UTRN: variants seen among roughly 807,000 people sequenced by gnomAD.
UTRN encodes the protein dystrophin-related protein 1.
Under a neutral mutation model 463.9 loss-of-function variants are expected in UTRN, and 283 were observed. That is an observed-to-expected ratio of 0.61 (90% CI 0.55 to 0.67). The LOEUF is 0.67. Ranked by LOEUF, UTRN falls within the 30% of genes least tolerant of loss-of-function variation. The pLI is 0.00. For missense variants in UTRN, 3,922 were observed against 4,084.3 expected, an observed-to-expected ratio of 0.96 and a Z score of 1.08; for synonymous variants, 1,442 against 1,431.5, an observed-to-expected ratio of 1.01 and a Z score of -0.17.
At chr6:144,381,172 C>T (rs887015481) in intron 2 of UTRN, among the ~76,000 whole-genome samples, 3 of 152,110 alleles carry the variant, frequency 2.0e-5, no homozygotes, top group African/African-American at 7.2e-5. Flanking sequence ...TTCCCTCCCC[C>T]CAACCTCCAC....
intron 17 of UTRN, 66 bp downstream of exon 17, chr6:144,448,835 T>C: frequency 6.6e-7 from 1 of 1,517,590 alleles, no homozygotes; most frequent in Non-Finnish European, 8.9e-7. Context: ...ACTTGGTGCC[T>C]ATTTTGTACT....
At chr6:144,615,529 T>C (rs1311508130) in intron 51 of UTRN, among the ~76,000 whole-genome samples, 2 of 152,172 alleles carry the variant, frequency 1.3e-5, no homozygotes, top group Non-Finnish European at 2.9e-5. Flanking sequence ...TTCAGTTAGT[T>C]TCTGAATCCT....
intron 47 of UTRN, among the ~76,000 whole-genome samples, chr6:144,550,728 AAC>A (rs1212957184): frequency 2.0e-5 from 3 of 152,184 alleles, no homozygotes; most frequent in Admixed American, 6.5e-5. Context: ...TGAAAACAAA[AAC>A]ACAGAGAGGT....
intron 50 of UTRN, among the ~76,000 whole-genome samples, chr6:144,563,111 C>T (rs1373823142): frequency 6.6e-6 from 1 of 152,078 alleles, no homozygotes; most frequent in Non-Finnish European, 1.5e-5. Flanking sequence ...TTATCTTTCT[C>T]ATTAATATTT....
intron 2 of UTRN, among the ~76,000 whole-genome samples, chr6:144,327,697 G>A (rs150179651): frequency 4.6e-5 from 7 of 152,152 alleles, no homozygotes; most frequent in Middle Eastern, 3.4e-3. Flanking sequence ...TAATCCCAGC[G>A]CTTTGGGAGG....
At chr6:144,366,701 A>G (rs1779536566) in intron 2 of UTRN, among the ~76,000 whole-genome samples, 1 of 152,196 alleles carries the variant, frequency 6.6e-6, no homozygotes, top group Non-Finnish European at 1.5e-5. Context: ...ATAGTGCTGT[A>G]GTGAACATAC....
rs542952536 is a variant in UTRN at position 144,537,367 on chromosome 6, G to T, written c.6234-215G>T. On this transcript the variant is annotated intron_variant, in intron 43 of 74. Transcript: ENST00000367545. Reference sequence around the variant, plus strand: ...AATATTCTTTAGTTTCAATGTTTTTGAATTTAACTAAGGAAAAAAGCTTCT... The same window carrying T: ...AATATTCTTTAGTTTCAATGTTTTTTAATTTAACTAAGGAAAAAAGCTTCT... Among the ~76,000 whole-genome samples, 9 of 151,784 alleles carry T rather than the reference G, an allele frequency of 5.9e-5. No individual in the cohort carries two copies. In the East Asian group the frequency reaches 1.2e-3, roughly 20 times the overall value.
At chr6:144,474,880 C>A in intron 25 of UTRN, 121 bp downstream of exon 25, 4 of 1,162,472 alleles carry the variant, frequency 3.4e-6, no homozygotes, top group South Asian at 1.7e-5. Flanking sequence ...ATAACTCCAG[C>A]ATGGGTAGTG....
intron 51 of UTRN, among the ~76,000 whole-genome samples, chr6:144,614,763 A>G (rs1258044590): frequency 6.6e-6 from 1 of 152,156 alleles, no homozygotes; most frequent in Admixed American, 6.6e-5. Flanking sequence ...GTGGATGAAT[A>G]AATTCTTTCT....
intron 23 of UTRN, among the ~76,000 whole-genome samples, chr6:144,463,866 G>T (rs1789662936): frequency 6.6e-6 from 1 of 150,746 alleles, no homozygotes; most frequent in Non-Finnish European, 1.5e-5. Flanking sequence ...AATATGTGTA[G>T]ATATATATCT....
At chr6:144,555,657 C>T (rs1434399903) in intron 49 of UTRN, among the ~76,000 whole-genome samples, 1 of 152,194 alleles carries the variant, frequency 6.6e-6, no homozygotes, top group Admixed American at 6.5e-5. Context: ...TCTGCAATTC[C>T]TGAGCTCAAG....
chr6:144,766,268 C>T (rs1206840903), intron 58 of UTRN, among the ~76,000 whole-genome samples: 1 of 151,860 alleles, frequency 6.6e-6, no homozygotes, highest in Non-Finnish European at 1.5e-5. Context: ...AGTACACCAC[C>T]TCTCAGATCT....
chr6:144,339,445 G>C (rs1361617120), intron 2 of UTRN, among the ~76,000 whole-genome samples: 6 of 152,126 alleles, frequency 3.9e-5, no homozygotes, highest in African/African-American at 1.4e-4. Context: ...TTAGTTCATA[G>C]ATTTGCATCT....
intron 21 of UTRN, among the ~76,000 whole-genome samples, chr6:144,459,656 G>T (rs1789214060): frequency 6.6e-6 from 1 of 152,032 alleles, no homozygotes; most frequent in Non-Finnish European, 1.5e-5. Flanking sequence ...GAGCAGTGGT[G>T]CAATCATAGC....
intron 2 of UTRN, among the ~76,000 whole-genome samples, chr6:144,374,516 ACT>A (rs1780274988): frequency 1.3e-5 from 2 of 149,438 alleles, no homozygotes; most frequent in Admixed American, 1.3e-4. Context: ...GTGGAGTCTC[ACT>A]CTGTCACCAG....
intron 3 of UTRN, among the ~76,000 whole-genome samples, chr6:144,420,522 G>A (rs537648347): frequency 1.3e-5 from 2 of 152,314 alleles, no homozygotes; most frequent in Admixed American, 1.3e-4. Flanking sequence ...AGTGAATGGA[G>A]TGGGATTTTC....
chr6:144,341,761 T>C (rs1777154364), intron 2 of UTRN, among the ~76,000 whole-genome samples: 3 of 152,216 alleles, frequency 2.0e-5, no homozygotes, highest in Non-Finnish European at 4.4e-5. Flanking sequence ...CATTCAGAAT[T>C]TCATTTCCTT....
chr6:144,348,934 C>CA (rs113161374), intron 2 of UTRN, among the ~76,000 whole-genome samples: 10,343 of 146,784 alleles, frequency 0.07, 1,011 homozygotes, highest in African/African-American at 0.23. Flanking sequence ...AACTCCATCT[C>CA]AAAAAAAAAC....
At chr6:144,374,747 G>A (rs1442072328) in intron 2 of UTRN, among the ~76,000 whole-genome samples, 1 of 151,648 alleles carries the variant, frequency 6.6e-6, no homozygotes, top group African/African-American at 2.4e-5. Flanking sequence ...CTCCCAAAGT[G>A]CTGGGATTAC....
Sources: allele counts gnomAD v4.1 joint callset (sites outside exome capture counted in the v4.1 genomes callset), GRCh38; gene constraint gnomAD v4.1.1; transcripts MANE v1.5; gene names NCBI Gene and HGNC (gene_info 2026-07-23, HGNC 2026-07-21).